The following TXNL4A variants were observed in gnomAD, a reference collection of about 807,000 sequenced individuals.
TXNL4A encodes the protein thioredoxin-like protein 4A.
TXNL4A carries 17 observed loss-of-function variants against 14.6 expected under a neutral mutation model. The ratio of observed to expected loss-of-function variants is 1.16; its 90% CI spans 0.80 to 1.74. TXNL4A has a LOEUF of 1.74. Among genes scored for constraint, TXNL4A ranks in the 40% most tolerant of loss-of-function variants. The pLI is 0.00. For missense variants in TXNL4A, 74 were observed against 195.2 expected (o/e 0.38, Z 3.70); for synonymous variants, 83 against 70.6 (o/e 1.18, Z -0.88).
upstream of TXNL4A, among the ~76,000 whole-genome samples, chr18:79,989,761 G>A (rs1483430181): frequency 2.6e-5 from 4 of 152,140 alleles, no homozygotes; most frequent in Admixed American, 6.5e-5. Flanking sequence ...TTGGGAGGCC[G>A]AGGCCGGCGG....
At chr18:79,978,175 A>G (rs1350722815) in intron 1 of TXNL4A, among the ~76,000 whole-genome samples, 2 of 152,058 alleles carry the variant, frequency 1.3e-5, no homozygotes, top group Non-Finnish European at 2.9e-5. Flanking sequence ...AATTTCACTC[A>G]GGTAACAAGT....
rs774277996 is a variant in TXNL4A, at chr18:79,982,589, C to T, written c.154-4888G>A. 1.1e-4 allele frequency among the ~76,000 whole-genome samples: 17 copies of T among 152,120 alleles called. No homozygotes were observed. Among genetic ancestry groups the T allele is most frequent in the Non-Finnish European group, 1.9e-4 (13 of 68,024 alleles). ...TCTCAGAAACCAAGGCAGGAGACTCCGGGGAGCTGTGCCGAGTGCCCCAGA... is the reference window on the plus strand; with the variant it reads ...TCTCAGAAACCAAGGCAGGAGACTCTGGGGAGCTGTGCCGAGTGCCCCAGA... On this transcript the variant is annotated intron_variant, in intron 1 of 2. Coordinates refer to ENST00000269601, the MANE Select transcript of TXNL4A (RefSeq NM_006701.5). The surrounding 1 kb of genome is among the most constrained non-coding windows in gnomAD (Gnocchi z 4.0).
intron 1 of TXNL4A, among the ~76,000 whole-genome samples, chr18:80,025,306 A>G (rs1218472009): frequency 6.6e-6 from 1 of 152,212 alleles, no homozygotes; most frequent in East Asian, 1.9e-4. Flanking sequence ...CTCTTAAAGA[A>G]ATCCTTGAAA....
At chr18:80,030,042 A>G (rs2051911169) in intron 1 of TXNL4A, among the ~76,000 whole-genome samples, 1 of 152,214 alleles carries the variant, frequency 6.6e-6, no homozygotes, top group Non-Finnish European at 1.5e-5. Context: ...TGACTAATCT[A>G]TGTCCCATAA....
chr18:79,991,024 C>A (rs536224278), upstream of TXNL4A, among the ~76,000 whole-genome samples: 2 of 147,402 alleles, frequency 1.4e-5, no homozygotes, highest in Non-Finnish European at 3.0e-5. Context: ...AGGAGAATGG[C>A]GTGAACCCGG....
chr18:80,006,198 A>G (rs2051729377), intron 1 of TXNL4A, among the ~76,000 whole-genome samples: 1 of 152,160 alleles, frequency 6.6e-6, no homozygotes, highest in Non-Finnish European at 1.5e-5. Context: ...AGCCTGGCCA[A>G]TATGGTGAAA....
chr18:80,000,635 A>C (rs1234218645), intron 1 of TXNL4A, among the ~76,000 whole-genome samples: 1 of 152,166 alleles, frequency 6.6e-6, no homozygotes, highest in East Asian at 1.9e-4. Context: ...ATAAGTAATG[A>C]GGAGCCAAAT....
intron 1 of TXNL4A, among the ~76,000 whole-genome samples, chr18:79,987,581 GA>G: frequency 6.6e-6 from 1 of 152,176 alleles, no homozygotes; most frequent in Non-Finnish European, 1.5e-5. Context: ...AGGAACCACA[GA>G]AAAAGAATGA....
At chr18:80,010,070 T>C (rs1437228577) in intron 1 of TXNL4A, among the ~76,000 whole-genome samples, 1 of 152,180 alleles carries the variant, frequency 6.6e-6, no homozygotes, top group Non-Finnish European at 1.5e-5. Context: ...CTGTAACCAG[T>C]TATTACGCAA....
intron 1 of TXNL4A, among the ~76,000 whole-genome samples, chr18:79,981,549 G>T (rs1293220467): frequency 2.6e-5 from 4 of 152,352 alleles, no homozygotes; most frequent in African/African-American, 9.6e-5. Context: ...GTGCACGCCT[G>T]TAATCCCAGC....
At chr18:79,991,719 G>A (rs1286908878), upstream of TXNL4A, among the ~76,000 whole-genome samples, 2 of 152,170 alleles carry the variant, frequency 1.3e-5, no homozygotes, top group African/African-American at 4.8e-5. Flanking sequence ...TTCTCACCAG[G>A]AATGTGTGAG....
At chr18:79,974,539 C>A (rs2051349842) in intron 2 of TXNL4A, among the ~76,000 whole-genome samples, 1 of 152,180 alleles carries the variant, frequency 6.6e-6, no homozygotes, top group Non-Finnish European at 1.5e-5. Context: ...TCACTGTCAT[C>A]TAGGCTAGGG....
At chr18:80,004,785 C>T (rs1049386822) in intron 1 of TXNL4A, among the ~76,000 whole-genome samples, 3 of 152,110 alleles carry the variant, frequency 2.0e-5, no homozygotes, top group Non-Finnish European at 4.4e-5. Context: ...AACAAAACAT[C>T]GAGTGCGCAG....
At chr18:79,976,722 T>C (rs1392800738) in intron 2 of TXNL4A, 1 of 453,376 alleles carries the variant, frequency 2.2e-6, no homozygotes, top group African/African-American at 2.0e-5. Flanking sequence ...CCTTACCGAG[T>C]AGGAGGCTCC....
intron 1 of TXNL4A, among the ~76,000 whole-genome samples, chr18:80,020,560 G>A (rs1165488691): frequency 6.6e-6 from 1 of 152,164 alleles, no homozygotes; most frequent in Non-Finnish European, 1.5e-5. Flanking sequence ...TTGAGCCTAA[G>A]TTAAAACTCC....
intron 1 of TXNL4A, chr18:79,986,621 T>C: frequency 2.0e-6 from 2 of 985,472 alleles, no homozygotes; most frequent in South Asian, 9.4e-5. Flanking sequence ...TAAAATCTGT[T>C]TTCTAGCTAA....
intron 1 of TXNL4A, chr18:79,986,527 A>G: frequency 2.1e-6 from 2 of 967,988 alleles, no homozygotes; most frequent in Non-Finnish European, 2.5e-6. Flanking sequence ...ACAGTGATTC[A>G]TTCTGTAATA....
rs530107698 is a variant in TXNL4A, at chr18:80,023,949, T to C, written c.-61+9902A>G. Among the ~76,000 whole-genome samples, 24 of 152,366 alleles carry C rather than the reference T, an allele frequency of 1.6e-4. No homozygotes were observed. In the South Asian group the frequency reaches 5.0e-3, roughly 32 times the overall value. On this transcript the variant is annotated intron_variant, in intron 1 of 2. Coordinates refer to the TXNL4A transcript ENST00000585474. ...CCTTAACTTTGGCAAATAAATTTTCTAAAATGATTGAGATTTGTCTTGTCA... is the reference window on the plus strand; with the variant it reads ...CCTTAACTTTGGCAAATAAATTTTCCAAAATGATTGAGATTTGTCTTGTCA...
At chr18:80,016,987 C>T (rs1236211030) in intron 1 of TXNL4A, among the ~76,000 whole-genome samples, 14 of 152,080 alleles carry the variant, frequency 9.2e-5, no homozygotes, top group Non-Finnish European at 1.3e-4. Flanking sequence ...ATTCTTCCTA[C>T]CCATGAGCAT....
Sources: gnomAD v4.1 joint callset for allele counts (sites outside exome capture counted in the v4.1 genomes callset) on GRCh38, gnomAD v4.1.1 for gene constraint, Gnocchi (gnomAD v3.1) non-coding constraint, MANE v1.5 for transcripts, NCBI Gene and HGNC (gene_info 2026-07-23, HGNC 2026-07-21) for gene names.